Variants in BMPR2 observed in about 807,000 individuals in gnomAD.
BMPR2 encodes the protein bone morphogenetic protein receptor type 2, also known as bone morphogenetic protein receptor type-2.
Under a neutral mutation model 100.8 loss-of-function variants are expected in BMPR2, and 29 were observed. The observed-to-expected ratio is 0.29, with a 90% CI of 0.21 to 0.39. The LOEUF (loss-of-function observed/expected upper bound fraction) is 0.39, where lower values mean the gene tolerates loss of function less well. BMPR2 is among the 10% of genes least tolerant of loss of function. The probability of loss-of-function intolerance (pLI) is 1.00; values close to 1 mark genes in which losing one functional copy is unlikely to be tolerated. For synonymous variants in BMPR2, 382 were observed against 442.3 expected, an observed-to-expected ratio of 0.86 and a Z score of 1.71; for missense variants, 1,011 against 1,274.5, an observed-to-expected ratio of 0.79 and a Z score of 3.15.
At chr2:202,390,479 G>C (rs1489958484) in intron 1 of BMPR2, among the ~76,000 whole-genome samples, 1 of 151,750 alleles carries the variant, frequency 6.6e-6, no homozygotes, top group South Asian at 2.1e-4. Flanking sequence ...TTACAGGCAC[G>C]TGCCACCATG....
chr2:202,531,609 T>C (rs1004882753), intron 8 of BMPR2, among the ~76,000 whole-genome samples: 1 of 152,218 alleles, frequency 6.6e-6, no homozygotes, highest in Non-Finnish European at 1.5e-5. Flanking sequence ...AACATATATG[T>C]ATTTTTGTGA....
Position 202,503,693 on chromosome 2 carries a change from G to A in BMPR2, c.419-10026G>A, listed in dbSNP as rs1347899054. 1.3e-5 allele frequency among the ~76,000 whole-genome samples: 2 copies of A among 152,176 alleles called. No individual in the cohort carries two copies. The highest frequency in any genetic ancestry group is 2.9e-5 in the Non-Finnish European group (2 of 68,038). ...CCTGTGCGGCCCGAGCCTCCCTGATGAGTGCCGCCCCCTGCTCCACGGCGC... is the reference window on the plus strand; with the variant it reads ...CCTGTGCGGCCCGAGCCTCCCTGATAAGTGCCGCCCCCTGCTCCACGGCGC... On this transcript the variant is annotated intron_variant, in intron 3 of 12. Coordinates refer to ENST00000374580, the MANE Select transcript of BMPR2 (RefSeq NM_001204.7). The surrounding 1 kb of genome is among the most constrained non-coding windows in gnomAD (Gnocchi z 4.0).
intron 1 of BMPR2, among the ~76,000 whole-genome samples, chr2:202,387,525 G>A (rs1690454735): frequency 6.6e-6 from 1 of 152,150 alleles, no homozygotes; most frequent in African/African-American, 2.4e-5. Context: ...AATCTTTTAG[G>A]CATCTGAAAA....
At position 202,555,817 on chromosome 2, in the gene BMPR2, A is replaced by G; in HGVS notation, c.2152A>G (p.Thr718Ala). The G allele has an allele frequency of 1.9e-6, 3 of 1,614,112 alleles. No homozygotes were observed. The highest frequency in any genetic ancestry group is 2.5e-6 in the Non-Finnish European group (3 of 1,180,026). Reference sequence around the variant, plus strand: ...ACTCATAAAACTTGCAGTAGAAGCAACTGGACAGCAGGACTTCACACAGAC... The same window carrying G: ...ACTCATAAAACTTGCAGTAGAAGCAGCTGGACAGCAGGACTTCACACAGAC... Reference protein sequence around the residue: ...YPLIKLAVEATGQQDFTQTAN... With the variant: ...YPLIKLAVEAAGQQDFTQTAN... Residue 718 changes from threonine to alanine, a missense_variant, in exon 12 of 13, where the codon ACT becomes GCT. Around this residue, in one of 6 missense-constraint regions of BMPR2, gnomAD observed 508 missense variants for 552.0 expected, o/e 0.92. Coordinates refer to ENST00000374580, the MANE Select transcript of BMPR2 (RefSeq NM_001204.7).
At chr2:202,526,413 T>G (rs1013973251) in intron 7 of BMPR2, among the ~76,000 whole-genome samples, 1 of 152,226 alleles carries the variant, frequency 6.6e-6, no homozygotes, top group Non-Finnish European at 1.5e-5. Context: ...TTAGCATGGA[T>G]CATCTTTTCT....
chr2:202,468,070 G>A (rs1343099627), intron 3 of BMPR2, among the ~76,000 whole-genome samples: 1 of 151,972 alleles, frequency 6.6e-6, no homozygotes. Context: ...AAGTTGTTGG[G>A]AGTGAGAGGT....
At chr2:202,518,299 G>A (rs933165110) in intron 5 of BMPR2, among the ~76,000 whole-genome samples, 4 of 150,956 alleles carry the variant, frequency 2.6e-5, no homozygotes, top group Admixed American at 6.6e-5. Flanking sequence ...CATGATACCC[G>A]GCTAATTTTT....
At chr2:202,379,314 CT>C (rs1690220763) in intron 1 of BMPR2, among the ~76,000 whole-genome samples, 1 of 152,188 alleles carries the variant, frequency 6.6e-6, no homozygotes, top group African/African-American at 2.4e-5. Flanking sequence ...TATCATTCCC[CT>C]TTTCCATAGA....
intron 1 of BMPR2, among the ~76,000 whole-genome samples, chr2:202,417,239 C>CAA (rs917769315): frequency 2.4e-4 from 37 of 152,196 alleles, no homozygotes; most frequent in Non-Finnish European, 4.1e-4. Context: ...CAGGTTCAAG[C>CAA]TATTCTCCTG....
chr2:202,432,360 A>G (rs1691523149), intron 1 of BMPR2, among the ~76,000 whole-genome samples: 2 of 150,638 alleles, frequency 1.3e-5, no homozygotes, highest in Non-Finnish European at 2.9e-5. Flanking sequence ...ATGCTGTTTC[A>G]TTCCATTAGC....
At chr2:202,449,360 A>G (rs1297168843) in intron 1 of BMPR2, among the ~76,000 whole-genome samples, 1 of 151,934 alleles carries the variant, frequency 6.6e-6, no homozygotes, top group Non-Finnish European at 1.5e-5. Context: ...ATAAAAAAAT[A>G]ACAGACCTGA....
At chr2:202,517,774 T>C (rs1258674076) in intron 5 of BMPR2, among the ~76,000 whole-genome samples, 2 of 152,048 alleles carry the variant, frequency 1.3e-5, no homozygotes, top group Non-Finnish European at 2.9e-5. Context: ...AAATATGTCC[T>C]GAGTTTCCCA....
intron 3 of BMPR2, among the ~76,000 whole-genome samples, chr2:202,507,227 T>A (rs1687536983): frequency 6.6e-6 from 1 of 152,212 alleles, no homozygotes; most frequent in Admixed American, 6.5e-5. Flanking sequence ...TATTCTACTT[T>A]TAAATCCATT....
intron 1 of BMPR2, among the ~76,000 whole-genome samples, chr2:202,443,074 C>T (rs1691779181): frequency 6.6e-6 from 1 of 150,556 alleles, no homozygotes; most frequent in South Asian, 2.1e-4. Context: ...AAGAGGAAGA[C>T]ACCAGATCTT....
At chr2:202,432,717 G>A (rs1455239086) in intron 1 of BMPR2, among the ~76,000 whole-genome samples, 1 of 150,552 alleles carries the variant, frequency 6.6e-6, no homozygotes, top group Non-Finnish European at 1.5e-5. Context: ...TAGATTAGAT[G>A]TTATCTAATA....
At chr2:202,527,500 A>C (rs1687938323) in intron 7 of BMPR2, among the ~76,000 whole-genome samples, 1 of 142,892 alleles carries the variant, frequency 7.0e-6, no homozygotes, top group Non-Finnish European at 1.5e-5. Flanking sequence ...AAAATAAATA[A>C]ATAGGCCGGG....
chr2:202,394,888 T>A (rs1690627526), intron 1 of BMPR2, among the ~76,000 whole-genome samples: 1 of 31,774 alleles, frequency 3.1e-5, no homozygotes, highest in South Asian at 2.4e-3. Flanking sequence ...TTACTTTTTT[T>A]TATTTTTTTT....
intron 1 of BMPR2, among the ~76,000 whole-genome samples, chr2:202,399,350 G>GA (rs1690715235): frequency 6.6e-6 from 1 of 152,142 alleles, no homozygotes; most frequent in African/African-American, 2.4e-5. Context: ...TAGAAGAACA[G>GA]AAAGTGTAAA....
At chr2:202,524,957 A>G (rs1365540565) in intron 7 of BMPR2, among the ~76,000 whole-genome samples, 1 of 152,132 alleles carries the variant, frequency 6.6e-6, no homozygotes, top group Non-Finnish European at 1.5e-5. Flanking sequence ...AGGAGAATCA[A>G]CAAGAGCGAA....
Sources: allele counts gnomAD v4.1 joint callset (sites outside exome capture counted in the v4.1 genomes callset), GRCh38; gene constraint gnomAD v4.1.1; regional missense constraint gnomAD v4.1.1; non-coding constraint Gnocchi (gnomAD v3.1); transcripts MANE v1.5; gene names NCBI Gene and HGNC (gene_info 2026-07-23, HGNC 2026-07-21).